Variants in EHBP1 observed in about 807,000 individuals in gnomAD.
EHBP1 encodes the protein EH domain-binding protein 1.
Under a neutral mutation model 144.0 loss-of-function variants are expected in EHBP1, and 55 were observed. That is an observed-to-expected ratio of 0.38 (90% CI 0.31 to 0.48). EHBP1 has a LOEUF of 0.48. Among genes scored for constraint, EHBP1 ranks in the 20% least tolerant of loss-of-function variants. EHBP1 has a pLI of 0.98. For synonymous variants in EHBP1, 469 were observed against 472.7 expected (o/e 0.99, Z 0.10); for missense variants, 1,200 against 1,364.2 (o/e 0.88, Z 1.90).
intron 19 of EHBP1, among the ~76,000 whole-genome samples, chr2:63,006,756 T>G (rs1455705300): frequency 6.6e-6 from 1 of 151,782 alleles, no homozygotes; most frequent in Non-Finnish European, 1.5e-5. Context: ...CCTGAAAAAT[T>G]TTATTTAATA....
chr2:62,879,442 G>A (rs192072527), intron 10 of EHBP1, among the ~76,000 whole-genome samples: 17 of 151,880 alleles, frequency 1.1e-4, no homozygotes, highest in African/African-American at 3.6e-4. Flanking sequence ...AAGGTTTCAG[G>A]ATACAAAATT....
intron 14 of EHBP1, among the ~76,000 whole-genome samples, chr2:62,971,923 T>C (rs1449253295): frequency 6.6e-6 from 1 of 152,162 alleles, no homozygotes; most frequent in Non-Finnish European, 1.5e-5. Flanking sequence ...TAATACCATA[T>C]AGGAAAAGGT....
intron 10 of EHBP1, among the ~76,000 whole-genome samples, chr2:62,880,439 A>G (rs2051307772): frequency 2.6e-5 from 4 of 152,132 alleles, no homozygotes; most frequent in Non-Finnish European, 5.9e-5. Flanking sequence ...CAAAAAACAA[A>G]AACTCTTGCC....
intron 21 of EHBP1, among the ~76,000 whole-genome samples, chr2:63,040,999 A>G (rs1414844804): frequency 6.6e-6 from 1 of 152,208 alleles, no homozygotes; most frequent in Non-Finnish European, 1.5e-5. Flanking sequence ...CTCTTTTCCC[A>G]TCCCTCCTAC....
rs1485334458 is a variant in EHBP1, at chr2:62,757,468, C to G, written c.163-6798C>G. The stretch of plus-strand genomic sequence containing the variant: ...TTTGAGGCAGAGTCTTGCTCTTGCT[C>G]TGTCGCCCAGGCTGGAGTGCAGTGG... On this transcript the variant is annotated intron_variant, in intron 3 of 22. Coordinates refer to ENST00000431489, the MANE Select transcript of EHBP1 (RefSeq NM_001142616.3). Among the ~76,000 whole-genome samples, 23 of 116,522 alleles carry G rather than the reference C, an allele frequency of 2.0e-4. No individual in the cohort carries two copies. The Admixed American group carries it at 2.1e-3, about 11-fold the overall frequency. 76.4% of individuals were successfully genotyped at this position (116,522 alleles called of 152,430 possible).
intron 3 of EHBP1, among the ~76,000 whole-genome samples, chr2:62,752,956 A>G (rs1321173947): frequency 6.6e-6 from 1 of 152,132 alleles, no homozygotes; most frequent in Admixed American, 6.5e-5. Flanking sequence ...TCTTTATCCA[A>G]ATTGCCAGTT....
chr2:62,729,496 T>TATAATAA (rs2037241997), intron 2 of EHBP1, among the ~76,000 whole-genome samples: 1 of 56,312 alleles, frequency 1.8e-5, no homozygotes, highest in Non-Finnish European at 3.4e-5. Context: ...AATATATAAA[T>TATAATAA]ATATAATAAA....
At chr2:62,744,435 A>G (rs1404509568) in intron 2 of EHBP1, among the ~76,000 whole-genome samples, 1 of 152,116 alleles carries the variant, frequency 6.6e-6, no homozygotes, top group Non-Finnish European at 1.5e-5. Context: ...TGCTTAAAAT[A>G]TTAATTGTGG....
At chr2:62,956,386 G>T (rs2153113504) in intron 14 of EHBP1, among the ~76,000 whole-genome samples, 1 of 152,276 alleles carries the variant, frequency 6.6e-6, no homozygotes, top group East Asian at 1.9e-4. Context: ...TTCCCAGAAA[G>T]AGCAGCTCTG....
rs2048928558 is a variant in EHBP1 at position 62,854,922 on chromosome 2, G to T, written c.635-4247G>T. Among the ~76,000 whole-genome samples the T allele has an allele frequency of 2.0e-5, 3 of 152,176 alleles. No individual in the cohort carries two copies. In the South Asian group the frequency reaches 6.2e-4, roughly 31 times the overall value. ...CCTGGGTGCTACTAAATCTGCCCAA[G>T]CCGTGCTGCAGACCCAGGTACCCCT... On this transcript the variant is annotated intron_variant, in intron 7 of 22. Coordinates refer to ENST00000431489, the MANE Select transcript of EHBP1 (RefSeq NM_001142616.3).
chr2:62,811,005 A>C (rs1195630208), intron 5 of EHBP1, among the ~76,000 whole-genome samples: 1 of 152,138 alleles, frequency 6.6e-6, no homozygotes, highest in Admixed American at 6.5e-5. Context: ...TAAACACTTT[A>C]AGTTGTATTT....
At chr2:63,003,248 A>G (rs1438756256) in intron 19 of EHBP1, among the ~76,000 whole-genome samples, 1 of 152,084 alleles carries the variant, frequency 6.6e-6, no homozygotes, top group African/African-American at 2.4e-5. Context: ...TAATTGAATT[A>G]GCAGAGCAGT....
Position 62,894,722 on chromosome 2 carries a change from A to G in EHBP1, c.1185+20190A>G, listed in dbSNP as rs925778794. Among the ~76,000 whole-genome samples, 5 of 152,098 alleles carry G rather than the reference A, an allele frequency of 3.3e-5. No individual in the cohort carries two copies. The East Asian group carries it at 5.8e-4, about 18-fold the overall frequency. On this transcript the variant is annotated intron_variant, in intron 10 of 22. Coordinates refer to ENST00000431489, the MANE Select transcript of EHBP1 (RefSeq NM_001142616.3). ...TAGACAGTAGGAATAGTAGCATTCT[A>G]TTGAAACCAGGTACTGAATGGCACT...
chr2:62,808,443 A>T (rs1188983618), intron 5 of EHBP1, among the ~76,000 whole-genome samples: 1 of 151,890 alleles, frequency 6.6e-6, no homozygotes, highest in African/African-American at 2.4e-5. Flanking sequence ...AATTTCTGTT[A>T]TAGTGTTTTT....
rs552702208 is a variant in EHBP1, at chr2:62,677,675, T to C, written c.-296+3592T>C. Among the ~76,000 whole-genome samples the C allele has an allele frequency of 4.0e-4, 61 of 152,262 alleles. 1 individual carries two copies. The highest frequency in any genetic ancestry group is 7.4e-5 in the Non-Finnish European group (5 of 68,020). On this transcript the variant is annotated intron_variant, in intron 1 of 22. Coordinates refer to the EHBP1 transcript ENST00000405015. ...TTGCAGCCTCTGGTAACCATCCTTA[T>C]ACTATCTATGAGTTTAATTATTTTA...
intron 5 of EHBP1, among the ~76,000 whole-genome samples, chr2:62,796,650 C>T (rs1195119839): frequency 1.3e-5 from 2 of 152,092 alleles, no homozygotes; most frequent in Non-Finnish European, 2.9e-5. Flanking sequence ...AGTTCCAATG[C>T]AGCTTAATAC....
At chr2:63,003,647 G>A (rs1239093945) in intron 19 of EHBP1, among the ~76,000 whole-genome samples, 1 of 152,048 alleles carries the variant, frequency 6.6e-6, no homozygotes, top group African/African-American at 2.4e-5. Flanking sequence ...TTTCTAATCT[G>A]CAGTTTGAGA....
chr2:63,030,413 A>G lies in EHBP1; in HGVS notation c.3104-7122A>G, dbSNP rs146771451. ...TATTTAGCTATATATATATATACAC[A>G]CACACACACACACACATTTAAAAAT... On this transcript the variant is annotated intron_variant, in intron 19 of 22. Coordinates refer to ENST00000431489, the MANE Select transcript of EHBP1 (RefSeq NM_001142616.3). 8.6e-4 allele frequency among the ~76,000 whole-genome samples: 131 copies of G among 152,106 alleles called. 2 individuals are homozygous for G. The East Asian group carries it at 0.023, about 27-fold the overall frequency.
chr2:62,742,589 C>T (rs1052194035), intron 2 of EHBP1, among the ~76,000 whole-genome samples: 5 of 151,976 alleles, frequency 3.3e-5, no homozygotes, highest in Non-Finnish European at 7.4e-5. Context: ...ACTGGAATGT[C>T]ATATTGACTT....
Sources: allele counts gnomAD v4.1 joint callset (sites outside exome capture counted in the v4.1 genomes callset), GRCh38; gene constraint gnomAD v4.1.1; transcripts MANE v1.5; gene names NCBI Gene and HGNC (gene_info 2026-07-23, HGNC 2026-07-21).